The following ZMYM3 variants were observed in gnomAD, a reference collection of about 807,000 sequenced individuals.
ZMYM3 encodes the protein zinc finger MYM-type containing 3, also known as zinc finger MYM-type protein 3.
ZMYM3 carries 6 observed loss-of-function variants against 94.2 expected under a neutral mutation model. The ratio of observed to expected loss-of-function variants is 0.06; its 90% CI spans 0.03 to 0.13. The LOEUF (loss-of-function observed/expected upper bound fraction) is 0.13. Ranked by LOEUF, ZMYM3 falls within the 10% of genes least tolerant of loss-of-function variation. The probability of loss-of-function intolerance (pLI) is 1.00; values close to 1 mark genes in which losing one functional copy is unlikely to be tolerated. For missense variants in ZMYM3, 664 were observed against 1,132.6 expected (o/e 0.59, Z 5.94); for synonymous variants, 420 against 426.5 (o/e 0.98, Z 0.19).
intron 13 of ZMYM3, 50 bp from the exon 14 acceptor site, chrX:71,246,742 T>G (rs2030196571): frequency 9.0e-7 from 1 of 1,113,326 alleles, no homozygotes; most frequent in African/African-American, 1.8e-5. Context: ...TAGCTCTCCA[T>G]TTTCCTTACC....
At position 71,245,815 on chromosome X, in the gene ZMYM3, T is replaced by A; in HGVS notation, c.2713A>T (p.Thr905Ser). Reference sequence around the variant, plus strand: ...ACAATCTTGTCTGTGCTCTCCAAGGTAGTGGGCAAGAACATGGGCACAGGC... The same window carrying A: ...ACAATCTTGTCTGTGCTCTCCAAGGAAGTGGGCAAGAACATGGGCACAGGC... Reference protein sequence around the residue: ...PVPVPMFLPTTLESTDKIVET... With the variant: ...PVPVPMFLPTSLESTDKIVET... The change falls in exon 17 of 25, where the codon ACC becomes TCC. Residue 905 changes from threonine to serine, a missense_variant. Physicochemically the swap from Thr to Ser is moderately conservative, Grantham distance 58. Transcript: ENST00000314425. The A allele has an allele frequency of 8.3e-7, 1 of 1,209,572 alleles. No individual in the cohort carries two copies. The highest frequency in any genetic ancestry group is 1.1e-6 in the Non-Finnish European group (1 of 894,864).
intron 3 of ZMYM3, 88 bp from the exon 4 acceptor site, chrX:71,251,332 G>C (rs2030459199): frequency 1.8e-5 from 17 of 960,299 alleles, no homozygotes; most frequent in South Asian, 8.2e-5. Context: ...ATAGAAGATG[G>C]GAGGGGGAAG....
chrX:71,253,089 G>A lies in ZMYM3; in HGVS notation c.167C>T (p.Ala56Val), dbSNP rs777871797. The change falls in exon 2 of 25, where the codon GCC (alanine) becomes GTC (valine). Residue 56 changes from alanine (A) to valine (V), a missense_variant. Transcript: ENST00000314425. ...AGCAGGGGTATCAAGCAGGTCCAGG[G>A]CTCCCGAGGATGGAGAAGGGCCAGG... Reference protein sequence around the residue: ...APPGPSPSSGALDLLDTPAGL... With the variant: ...APPGPSPSSGVLDLLDTPAGL... The A allele has an allele frequency of 1.3e-5, 16 of 1,200,089 alleles. No homozygotes were observed. Among genetic ancestry groups the A allele is most frequent in the Non-Finnish European group, 1.8e-5 (16 of 890,130 alleles).
In ZMYM3 at chrX:71,247,472, C is replaced by G. The variant is rs780219532; in HGVS notation, c.2187G>C (p.Leu729=). Reference sequence around the variant, plus strand: ...GCCCACGCCAGTGGATGGTCTCCAGCAGCTTCCCCTGGCGCTTACACGCAT... The same window carrying G: ...GCCCACGCCAGTGGATGGTCTCCAGGAGCTTCCCCTGGCGCTTACACGCAT... The part of the protein sequence containing the change: ...RCHACKRQGK[L]LETIHWRGQI... Residue 729 remains leucine (L), a synonymous_variant, in exon 13 of 25, where the codon CTG becomes CTC. Transcript: ENST00000314425. 1 of 1,210,424 alleles carries G rather than the reference C, an allele frequency of 8.3e-7. No individual in the cohort carries two copies. Among genetic ancestry groups the G allele is most frequent in the African/African-American group, 1.7e-5 (1 of 57,595 alleles).
chrX:71,248,838 AAGAGAGAGGG>A lies in ZMYM3; in HGVS notation c.1622-47_1622-38del, dbSNP rs776013353. 1.1e-5 allele frequency: 12 copies of A among 1,128,534 alleles called. No homozygotes were observed. The South Asian group carries it at 1.8e-4, about 17-fold the overall frequency. The allele number at this position is 1,128,534 out of a possible 1,213,427, so 93.0% of individuals were successfully genotyped here. On this transcript the variant is annotated intron_variant, in intron 8 of 24. Transcript: ENST00000314425. ...AGAGAAAGAGAGAGAGGAAAAGAGAAAGAGAGAGGGAGAGAGAGAGCACACAGAAGGTGTA... is the reference window on the plus strand; with the variant it reads ...AGAGAAAGAGAGAGAGGAAAAGAGAAAGAGAGAGAGCACACAGAAGGTGTA...
rs750387691 is a variant in ZMYM3 at position 71,243,693 on chromosome X, C to T, written c.3432+136G>A. The T allele has an allele frequency of 5.7e-5, 47 of 828,164 alleles. 1 individual carries two copies. In the South Asian group the frequency reaches 1.2e-3, roughly 20 times the overall value. 68.3% of individuals were successfully genotyped at this position (828,164 alleles called of 1,213,427 possible). Reference sequence around the variant, plus strand: ...CTGGTCTCAAACTCCTGGCTTGAAGCGATCCTCCTGCCTCAGCCTCCCAAA... The same window carrying T: ...CTGGTCTCAAACTCCTGGCTTGAAGTGATCCTCCTGCCTCAGCCTCCCAAA... On this transcript the variant is annotated intron_variant, in intron 21 of 24. Transcript: ENST00000314425.
chrX:71,245,411 G>A lies in ZMYM3; in HGVS notation c.2935C>T (p.Leu979=). ...TTGGCCATCTTGACTGCCATGGCCA[G>A]GACATCATCTCGAGCAGGCCCAAAC... ...DLFGPARDDV[L]AMAVKMANVL... is the part of the protein sequence containing the mutation. The change falls in exon 18 of 25, where the codon CTG becomes TTG. Residue 979 remains leucine (L), a synonymous_variant. Coordinates refer to ENST00000314425, the MANE Select transcript of ZMYM3 (RefSeq NM_201599.3). 8.3e-7 allele frequency: 1 copy of A among 1,211,670 alleles called. No homozygotes were observed. Among genetic ancestry groups the A allele is most frequent in the Non-Finnish European group, 1.1e-6 (1 of 895,456 alleles).
chrX:71,251,275 A>C, intron 3 of ZMYM3, 31 bp from the exon 4 acceptor site: 1 of 1,131,500 alleles, frequency 8.8e-7, no homozygotes, highest in African/African-American at 1.9e-5. Flanking sequence ...AGGGGAGGAA[A>C]ACTGACACCC....
In ZMYM3 at chrX:71,242,244, C is replaced by T. The variant is rs1442262459; in HGVS notation, c.3728G>A (p.Cys1243Tyr). The T allele has an allele frequency of 8.3e-7, 1 of 1,208,163 alleles. No homozygotes were observed. Residue 1243 changes from cysteine (C) to tyrosine (Y), a missense_variant, in exon 23 of 25, where the codon TGT becomes TAT. This residue lies in a region of ZMYM3 where 19 missense variants were observed against 123.7 expected (regional missense o/e 0.15). Coordinates refer to ENST00000314425, the MANE Select transcript of ZMYM3 (RefSeq NM_201599.3). The stretch of plus-strand genomic sequence containing the variant: ...CTTGGTGGTGCCCCGAGGGGTGGTA[C>T]ACTTGCGGGACTGCCGCACCACATT... ...FTNVVRQSRK[C>Y]TTPRGTTKVV...
intron 11 of ZMYM3, 87 bp downstream of exon 11, chrX:71,248,075 T>C: frequency 8.6e-7 from 1 of 1,157,630 alleles, no homozygotes; most frequent in Non-Finnish European, 1.2e-6. Flanking sequence ...CCCTGCCTCA[T>C]GGACCACTTT....
chrX:71,244,627 T>C (rs2030083386), intron 19 of ZMYM3, among the ~76,000 whole-genome samples, 157 bp from the exon 20 acceptor site: 1 of 111,582 alleles, frequency 9.0e-6, no homozygotes, highest in Non-Finnish European at 1.9e-5. Context: ...TTTGATGACC[T>C]TGTGAGATGG....
chrX:71,255,012 G>A (rs980053222), upstream of ZMYM3: 8 of 107,527 alleles, frequency 7.4e-5, no homozygotes, highest in Non-Finnish European at 1.2e-4. Flanking sequence ...TAAGTTCTGG[G>A]ATCTTCTCCC....
In ZMYM3 at chrX:71,242,983, T is replaced by C; in HGVS notation, c.3534A>G (p.Thr1178=). Residue 1178 remains threonine, a synonymous_variant, in exon 22 of 25, where the codon ACA becomes ACG. Coordinates refer to ENST00000314425, the MANE Select transcript of ZMYM3 (RefSeq NM_201599.3). ...CCTGTTCCTTACTGTTGGGGAGGAG[T>C]GTGGGCTGCCAGGTACTCAGAGACT... ...LNKSLSTWQP[T]LLPNNTVFSR... is the part of the protein sequence containing the mutation. 2 of 1,209,554 alleles carry C rather than the reference T, an allele frequency of 1.7e-6. No homozygotes were observed. Among genetic ancestry groups the C allele is most frequent in the Non-Finnish European group, 2.2e-6 (2 of 894,351 alleles).
intron 24 of ZMYM3, 30 bp from the exon 25 acceptor site, chrX:71,241,138 G>C: frequency 8.4e-7 from 1 of 1,197,392 alleles, no homozygotes; most frequent in Non-Finnish European, 1.1e-6. Context: ...AGTGGGAGTG[G>C]GGGTGGCAGG....
At chrX:71,249,826 G>C in intron 6 of ZMYM3, 147 bp from the exon 7 acceptor site, 1 of 1,077,716 alleles carries the variant, frequency 9.3e-7, no homozygotes, top group Non-Finnish European at 1.2e-6. Context: ...CTGCCGACTT[G>C]ATGGTGAGGT....
At chrX:71,242,501 C>G (rs1485448028) in intron 22 of ZMYM3, 77 bp from the exon 23 acceptor site, 1 of 1,130,714 alleles carries the variant, frequency 8.8e-7, no homozygotes, top group Non-Finnish European at 1.2e-6. Flanking sequence ...CCCATGTGCC[C>G]TGCTCATTTC....
Position 71,244,209 on chromosome X carries a change from T to C in ZMYM3, c.3280+93A>G, listed in dbSNP as rs1286464258. The C allele has an allele frequency of 2.7e-6, 3 of 1,101,789 alleles. No individual in the cohort carries two copies. In the African/African-American group the frequency reaches 5.5e-5, roughly 20 times the overall value. 90.8% of individuals were successfully genotyped at this position (1,101,789 alleles called of 1,213,427 possible). A position where few individuals can be genotyped will look rare whatever the true frequency, so the allele number is the denominator to read the frequency against. ...ATCACACCCTTATCACTTCTAGACA[T>C]CTTCAGCTGAATCACAGGCCCAGCC... On this transcript the variant is annotated intron_variant, in intron 20 of 24. Coordinates refer to ENST00000314425, the MANE Select transcript of ZMYM3 (RefSeq NM_201599.3).
chrX:71,254,310 C>A (rs1268593064), upstream of ZMYM3, among the ~76,000 whole-genome samples: 1 of 112,758 alleles, frequency 8.9e-6, no homozygotes. Context: ...GGAATGCAGC[C>A]ACTAGAGACG....
chrX:71,247,231 AC>A (rs1329017432), intron 13 of ZMYM3, 113 bp downstream of exon 13: 16 of 711,127 alleles, frequency 2.2e-5, no homozygotes, highest in Non-Finnish European at 3.3e-5. Flanking sequence ...CAGTACTAGC[AC>A]CCTATCTGGC....
Sources: gnomAD v4.1 joint callset for allele counts (sites outside exome capture counted in the v4.1 genomes callset) on GRCh38, gnomAD v4.1.1 for gene constraint, gnomAD v4.1.1 regional missense constraint, MANE v1.5 for transcripts, NCBI Gene and HGNC (gene_info 2026-07-23, HGNC 2026-07-21) for gene names.